PODXL2: variants seen among roughly 807,000 people sequenced by gnomAD.
PODXL2 encodes podocalyxin-like protein 2.
A neutral mutation model predicts 53.4 loss-of-function variants in PODXL2; 17 were observed. That is an observed-to-expected ratio of 0.32 (90% CI 0.22 to 0.48). The LOEUF is 0.48. Among genes scored for constraint, PODXL2 ranks in the 20% least tolerant of loss-of-function variants. PODXL2 has a pLI of 0.99. For synonymous variants in PODXL2, 311 were observed against 306.7 expected, an observed-to-expected ratio of 1.01 and a Z score of -0.15; for missense variants, 673 against 760.0, an observed-to-expected ratio of 0.89 and a Z score of 1.35.
chr3:127,641,203 C>T (rs1421462241), intron 2 of PODXL2, among the ~76,000 whole-genome samples: 1 of 151,724 alleles, frequency 6.6e-6, no homozygotes, highest in Non-Finnish European at 1.5e-5. Context: ...TGAGCCACCG[C>T]ACCCGGACAA....
chr3:127,660,331 C>T (rs2074756755), intron 2 of PODXL2, 47 bp from the exon 3 acceptor site: 31 of 1,587,026 alleles, frequency 2.0e-5, no homozygotes, highest in Non-Finnish European at 2.7e-5. Flanking sequence ...CTGAGTAAAG[C>T]AATGAATGAT....
intron 2 of PODXL2, among the ~76,000 whole-genome samples, chr3:127,646,824 G>C (rs1394909922): frequency 6.6e-6 from 1 of 152,222 alleles, no homozygotes; most frequent in Non-Finnish European, 1.5e-5. Context: ...CACACAGCTT[G>C]TGTGTGGCAG....
intron 6 of PODXL2, among the ~76,000 whole-genome samples, chr3:127,669,797 C>A (rs763277632): frequency 6.6e-6 from 1 of 152,222 alleles, no homozygotes; most frequent in African/African-American, 2.4e-5. Flanking sequence ...TCCCGATCAA[C>A]CTCTCCTACC....
At position 127,660,949 on chromosome 3, in the gene PODXL2, T is replaced by G. The variant is rs765035157; in HGVS notation, c.921T>G (p.Pro307=). ...AGCACGAGGAGGTGCCGGCCTTGCC[T>G]TCATTCCCTCAAACCACAGCTCCCA... is the stretch of plus-strand genomic sequence containing the variant. ...SGQHEEVPAL[P]SFPQTTAPSG... The change falls in exon 3 of 8, where the codon CCT becomes CCG. Residue 307 remains proline, a synonymous_variant. Transcript: ENST00000342480. 1 of 1,614,234 alleles carries G rather than the reference T, an allele frequency of 6.2e-7. No individual in the cohort carries two copies. Among genetic ancestry groups the G allele is most frequent in the East Asian group, 2.2e-5 (1 of 44,892 alleles).
Position 127,672,314 on chromosome 3 carries a change from A to C in PODXL2, c.1652A>C (p.Asn551Thr), listed in dbSNP as rs1471167228. Residue 551 changes from asparagine to threonine, a missense_variant, in exon 8 of 8, where the codon AAC (asparagine) becomes ACC (threonine). Coordinates refer to ENST00000342480, the MANE Select transcript of PODXL2 (RefSeq NM_015720.4). ...TTCGTGGAGAACGGCTGCCACGACAACCCCACGCTGGACGTGGCCAGCGAC... is the reference window on the plus strand; with the variant it reads ...TTCGTGGAGAACGGCTGCCACGACACCCCCACGCTGGACGTGGCCAGCGAC... ...LRFVENGCHD[N>T]PTLDVASDSQ... 1 of 1,548,808 alleles carries C rather than the reference A, an allele frequency of 6.5e-7. No individual in the cohort carries two copies. Among genetic ancestry groups the C allele is most frequent in the South Asian group, 1.2e-5 (1 of 84,306 alleles).
intron 2 of PODXL2, among the ~76,000 whole-genome samples, chr3:127,653,101 G>A (rs533274631): frequency 2.0e-5 from 3 of 152,036 alleles, no homozygotes; most frequent in African/African-American, 4.8e-5. Context: ...CACCTCCAAA[G>A]TGCCTGCTGA....
Position 127,641,700 on chromosome 3 carries a change from G to A in PODXL2, c.349+2177G>A, listed in dbSNP as rs375688255. 4.6e-5 allele frequency among the ~76,000 whole-genome samples: 7 copies of A among 151,168 alleles called. 1 individual carries two copies. In the South Asian group the frequency reaches 1.5e-3, roughly 32 times the overall value. ...GAATAATTTTGTATTTTTTTTAGTA[G>A]AGACAGGGTTTCTCCATGTTGGTCA... is the stretch of plus-strand genomic sequence containing the variant. On this transcript the variant is annotated intron_variant, in intron 2 of 7. Transcript: ENST00000342480.
Position 127,662,223 on chromosome 3 carries a change from G to C in PODXL2, c.1132-14G>C. 1.2e-6 allele frequency: 2 copies of C among 1,611,522 alleles called. No homozygotes were observed. Among genetic ancestry groups the C allele is most frequent in the Non-Finnish European group, 1.7e-6 (2 of 1,177,738 alleles). On this transcript the variant is annotated splice_polypyrimidine_tract_variant and intron_variant, in intron 3 of 7. Coordinates refer to ENST00000342480, the MANE Select transcript of PODXL2 (RefSeq NM_015720.4). ...CTTCGTAACTGTCGCCCTTCTTTCT[G>C]TCTCCTCGCACAGGTGATCTGCAAG...
At chr3:127,669,764 C>A (rs2074820069) in intron 6 of PODXL2, among the ~76,000 whole-genome samples, 1 of 152,222 alleles carries the variant, frequency 6.6e-6, no homozygotes, top group Admixed American at 6.5e-5. Context: ...CCACCCAGTG[C>A]AGTCTGCTGG....
chr3:127,672,171 C>A, intron 7 of PODXL2, 97 bp from the exon 8 acceptor site: 1 of 904,048 alleles, frequency 1.1e-6, no homozygotes, highest in Non-Finnish European at 1.7e-6. Flanking sequence ...GAGGGTGCCG[C>A]GGGAACCCCC....
chr3:127,641,767 C>T (rs950744573), intron 2 of PODXL2, among the ~76,000 whole-genome samples: 1 of 151,420 alleles, frequency 6.6e-6, no homozygotes, highest in African/African-American at 2.4e-5. Flanking sequence ...GTGCCCACCT[C>T]GGCCTCCCAA....
rs1032055952 is a variant in PODXL2 at position 127,672,717 on chromosome 3, G to C, written c.*237G>C. The C allele has an allele frequency of 1.9e-5, 8 of 428,398 alleles. No individual in the cohort carries two copies. In the Admixed American group the frequency reaches 2.7e-4, roughly 14 times the overall value. 26.5% of individuals were successfully genotyped at this position (428,398 alleles called of 1,614,324 possible). Reference sequence around the variant, plus strand: ...GCCTTGGCCCCGCTTTCCCGCCCCTGAACCCCGGCCCCGCGGGCGGCGGGC... The same window carrying C: ...GCCTTGGCCCCGCTTTCCCGCCCCTCAACCCCGGCCCCGCGGGCGGCGGGC... On this transcript the variant is annotated 3_prime_UTR_variant, in exon 8 of 8. Coordinates refer to ENST00000342480, the MANE Select transcript of PODXL2 (RefSeq NM_015720.4).
In PODXL2 at chr3:127,660,829, C is replaced by T. The variant is rs750314465; in HGVS notation, c.801C>T (p.Ala267=). ...ACTCCACCAGCCAAGAGGCAGAGGC[C>T]ACAGTGCTGCCAGCTGCAGGGCTTG... ...DQDSTSQEAE[A]TVLPAAGLGV... Residue 267 remains alanine, a synonymous_variant, in exon 3 of 8, where the codon GCC becomes GCT. Transcript: ENST00000342480. The T allele has an allele frequency of 6.2e-6, 10 of 1,614,246 alleles. No homozygotes were observed. The East Asian group carries it at 2.0e-4, about 32-fold the overall frequency.
intron 4 of PODXL2, among the ~76,000 whole-genome samples, chr3:127,663,306 A>G (rs1372641468): frequency 6.6e-6 from 1 of 152,174 alleles, no homozygotes; most frequent in Admixed American, 6.5e-5. Flanking sequence ...ATTGCTTCTC[A>G]GCTTTCCTCA....
chr3:127,629,201 A>G lies in PODXL2; in HGVS notation c.-19A>G, dbSNP rs2074523956. 2.0e-6 allele frequency: 2 copies of G among 982,486 alleles called. No homozygotes were observed. The highest frequency in any genetic ancestry group is 2.4e-6 in the Non-Finnish European group (2 of 829,458). 60.9% of individuals were successfully genotyped at this position (982,486 alleles called of 1,614,324 possible). ...CCGGGCGCCGCGCCGCTGCGGCTGC[A>G]GGCGGCGACGGCTACACCATGGGCC... On this transcript the variant is annotated 5_prime_UTR_variant, in exon 1 of 8. Transcript: ENST00000342480. The surrounding 1 kb of genome is among the most constrained non-coding windows in gnomAD (Gnocchi z 6.4).
chr3:127,668,938 A>G (rs2074813186), intron 5 of PODXL2, among the ~76,000 whole-genome samples: 1 of 152,224 alleles, frequency 6.6e-6, no homozygotes, highest in African/African-American at 2.4e-5. Flanking sequence ...CTGGTGTTAT[A>G]CAAATCGATG....
intron 4 of PODXL2, among the ~76,000 whole-genome samples, chr3:127,664,498 A>G (rs956073075): frequency 1.3e-5 from 2 of 152,048 alleles, no homozygotes; most frequent in Admixed American, 6.6e-5. Flanking sequence ...TCTGTTTTTA[A>G]TTATTTTGGG....
chr3:127,656,115 C>T (rs1265797124), intron 2 of PODXL2, among the ~76,000 whole-genome samples: 1 of 152,226 alleles, frequency 6.6e-6, no homozygotes, highest in Admixed American at 6.5e-5. Flanking sequence ...AATTGCTTTG[C>T]TTGGCATCAA....
At chr3:127,669,069 G>T in intron 5 of PODXL2, 72 bp from the exon 6 acceptor site, 1 of 979,274 alleles carries the variant, frequency 1.0e-6, no homozygotes, top group East Asian at 2.7e-5. Context: ...GTTGGAGAGC[G>T]GGGCCAGAGC....
Sources: gnomAD v4.1 joint callset for allele counts (sites outside exome capture counted in the v4.1 genomes callset) on GRCh38, gnomAD v4.1.1 for gene constraint, Gnocchi (gnomAD v3.1) non-coding constraint, MANE v1.5 for transcripts, NCBI Gene and HGNC (gene_info 2026-07-23, HGNC 2026-07-21) for gene names.